The following PRKD1 variants were observed in gnomAD, a reference collection of about 807,000 sequenced individuals.
PRKD1 encodes the protein serine/threonine-protein kinase D1.
In PRKD1, 63 loss-of-function variants were observed where a neutral mutation model predicts 95.9. That is an observed-to-expected ratio of 0.66 (90% CI 0.54 to 0.81). The LOEUF is 0.81. Among genes scored for constraint, PRKD1 ranks in the 30% least tolerant of loss-of-function variants. The probability of loss-of-function intolerance (pLI) is 0.00; values close to 1 mark genes in which losing one functional copy is unlikely to be tolerated. For synonymous variants in PRKD1, 425 were observed against 423.1 expected, an observed-to-expected ratio of 1.00 and a Z score of -0.05; for missense variants, 1,048 against 1,165.3, an observed-to-expected ratio of 0.90 and a Z score of 1.47.
intron 1 of PRKD1, among the ~76,000 whole-genome samples, chr14:29,740,580 G>A (rs564483228): frequency 9.1e-4 from 139 of 152,304 alleles, no homozygotes; most frequent in African/African-American, 3.2e-3. Flanking sequence ...CAAATGTCCA[G>A]CAAACAGTGA....
intron 2 of PRKD1, among the ~76,000 whole-genome samples, chr14:29,713,326 G>C (rs1170942346): frequency 6.6e-6 from 1 of 152,056 alleles, no homozygotes; most frequent in African/African-American, 2.4e-5. Context: ...CCTGCATTCA[G>C]AATGCTACTA....
intron 1 of PRKD1, among the ~76,000 whole-genome samples, chr14:29,898,439 G>C (rs548211004): frequency 9.2e-5 from 14 of 152,088 alleles, no homozygotes; most frequent in Non-Finnish European, 1.9e-4. Flanking sequence ...ACATCAACAG[G>C]TCCGTAAGTG....
chr14:29,808,852 A>G (rs1224004525), intron 1 of PRKD1, among the ~76,000 whole-genome samples: 1 of 152,222 alleles, frequency 6.6e-6, no homozygotes, highest in African/African-American at 2.4e-5. Flanking sequence ...CTGATGAATC[A>G]TGAAGATTCT....
At chr14:29,707,931 T>C (rs921780525) in intron 2 of PRKD1, among the ~76,000 whole-genome samples, 8 of 152,148 alleles carry the variant, frequency 5.3e-5, no homozygotes, top group African/African-American at 1.4e-4. Flanking sequence ...CTCTCAAAAA[T>C]ATCTGGCTAA....
Position 29,663,711 on chromosome 14 carries a change from A to G in PRKD1, c.684T>C (p.Asp228=), listed in dbSNP as rs771330984. The stretch of plus-strand genomic sequence containing the variant: ...CAGGAAGCCATACCAGAAGGGGCTC[A>G]TCAGGGGCACTTGTAGAGAGTTCAG... ...SSAELSTSAP[D]EPLLQKSPSE... is the part of the protein sequence containing the mutation. The change falls in exon 4 of 18, where the codon GAT becomes GAC. Residue 228 remains aspartate, a synonymous_variant. Transcript: ENST00000331968. 3 of 1,613,896 alleles carry G rather than the reference A, an allele frequency of 1.9e-6. No homozygotes were observed. The highest frequency in any genetic ancestry group is 2.2e-5 in the South Asian group (2 of 91,064).
intron 1 of PRKD1, among the ~76,000 whole-genome samples, chr14:29,763,731 AG>A (rs1348825368): frequency 1.3e-5 from 2 of 152,088 alleles, no homozygotes; most frequent in African/African-American, 2.4e-5. Context: ...AGGATACTGG[AG>A]GGGGAACTGA....
At chr14:29,701,392 ATGAACAC>A (rs1884837094) in intron 2 of PRKD1, among the ~76,000 whole-genome samples, 1 of 152,232 alleles carries the variant, frequency 6.6e-6, no homozygotes, top group Non-Finnish European at 1.5e-5. Context: ...TTATCCATTG[ATGAACAC>A]TGCCTAGATC....
At chr14:29,673,296 C>A (rs1262099629) in intron 2 of PRKD1, among the ~76,000 whole-genome samples, 1 of 152,150 alleles carries the variant, frequency 6.6e-6, no homozygotes. Flanking sequence ...TGCCATCTAC[C>A]TCCATACTTA....
intron 2 of PRKD1, among the ~76,000 whole-genome samples, chr14:29,696,213 T>C (rs1207896991): frequency 6.7e-6 from 1 of 148,668 alleles, no homozygotes; most frequent in African/African-American, 2.6e-5. Flanking sequence ...AACTGATTTA[T>C]GTCTATCTCC....
intron 1 of PRKD1, among the ~76,000 whole-genome samples, chr14:29,871,604 GATT>G (rs1893110947): frequency 1.3e-5 from 2 of 152,192 alleles, no homozygotes. Context: ...ATTATCCTGA[GATT>G]AATAAATGAG....
chr14:29,926,864 G>A (rs1895316890), intron 1 of PRKD1, among the ~76,000 whole-genome samples: 1 of 151,990 alleles, frequency 6.6e-6, no homozygotes, highest in Non-Finnish European at 1.5e-5. Context: ...GAGGATTCCT[G>A]CACCAGGAAT....
intron 2 of PRKD1, among the ~76,000 whole-genome samples, chr14:29,719,493 C>T (rs1885781675): frequency 6.6e-6 from 1 of 152,100 alleles, no homozygotes; most frequent in African/African-American, 2.4e-5. Flanking sequence ...TGAACAAGTC[C>T]TCAACTATTT....
chr14:29,910,964 A>G lies in PRKD1; in HGVS notation c.264+16285T>C, dbSNP rs543891109. Among the ~76,000 whole-genome samples the G allele has an allele frequency of 3.3e-5, 5 of 152,334 alleles. No homozygotes were observed. In the South Asian group the frequency reaches 1.0e-3, roughly 32 times the overall value. Reference sequence around the variant, plus strand: ...GAATCACACAATTATTTCACAGGTGAAAAAATATCTTTCAAACATGGGAAG... The same window carrying G: ...GAATCACACAATTATTTCACAGGTGGAAAAATATCTTTCAAACATGGGAAG... On this transcript the variant is annotated intron_variant, in intron 1 of 17. Transcript: ENST00000331968.
intron 1 of PRKD1, among the ~76,000 whole-genome samples, chr14:29,805,440 G>T (rs1418142772): frequency 6.6e-6 from 1 of 152,162 alleles, no homozygotes; most frequent in Non-Finnish European, 1.5e-5. Flanking sequence ...TAATTATCTG[G>T]GATATCAATA....
intron 1 of PRKD1, among the ~76,000 whole-genome samples, chr14:29,736,954 A>G (rs1886744509): frequency 6.6e-6 from 1 of 152,240 alleles, no homozygotes; most frequent in Non-Finnish European, 1.5e-5. Flanking sequence ...AAAGGCAAGC[A>G]ATACTAGAAA....
intron 1 of PRKD1, among the ~76,000 whole-genome samples, chr14:29,833,402 C>G (rs1891491356): frequency 6.6e-6 from 1 of 152,056 alleles, no homozygotes; most frequent in Non-Finnish European, 1.5e-5. Context: ...CACATACAGT[C>G]TATTCTTAAA....
At chr14:29,676,715 G>C (rs974031356) in intron 2 of PRKD1, among the ~76,000 whole-genome samples, 5 of 152,120 alleles carry the variant, frequency 3.3e-5, no homozygotes, top group Admixed American at 3.3e-4. Flanking sequence ...ATTAAGGTAG[G>C]GGTGGATGAA....
chr14:29,768,574 G>T (rs140851627), intron 1 of PRKD1, among the ~76,000 whole-genome samples: 1 of 151,786 alleles, frequency 6.6e-6, no homozygotes, highest in African/African-American at 2.4e-5. Context: ...ATGCTTCCAG[G>T]ATCCCCACAT....
intron 1 of PRKD1, among the ~76,000 whole-genome samples, chr14:29,739,661 G>A (rs1259977170): frequency 2.0e-5 from 3 of 152,056 alleles, no homozygotes; most frequent in Admixed American, 6.6e-5. Context: ...ACATATAACT[G>A]GAACTCGCTT....
Sources: allele counts gnomAD v4.1 joint callset (sites outside exome capture counted in the v4.1 genomes callset), GRCh38; gene constraint gnomAD v4.1.1; transcripts MANE v1.5; gene names NCBI Gene and HGNC (gene_info 2026-07-23, HGNC 2026-07-21).